The following ZNF644 variants were observed in gnomAD, a reference collection of about 807,000 sequenced individuals.
ZNF644 encodes zinc finger protein 644, also known as zinc finger motif enhancer binding protein 2.
Under a neutral mutation model 108.0 loss-of-function variants are expected in ZNF644, and 20 were observed. The observed-to-expected ratio is 0.19, with a 90% CI of 0.13 to 0.27. The LOEUF (loss-of-function observed/expected upper bound fraction) is 0.27, where lower values mean the gene tolerates loss of function less well. Ranked by LOEUF, ZNF644 falls within the 10% of genes least tolerant of loss-of-function variation. The pLI is 1.00. For synonymous variants in ZNF644, 542 were observed against 539.1 expected, an observed-to-expected ratio of 1.01 and a Z score of -0.08; for missense variants, 1,338 against 1,548.9, an observed-to-expected ratio of 0.86 and a Z score of 2.29.
At chr1:90,976,364 ATG>A (rs1270973363) in intron 2 of ZNF644, among the ~76,000 whole-genome samples, 1 of 152,172 alleles carries the variant, frequency 6.6e-6, no homozygotes, top group African/African-American at 2.4e-5. Flanking sequence ...CTAATGACTA[ATG>A]CATCCCTAAC....
At chr1:90,954,530 CTGAG>C (rs997387477) in intron 2 of ZNF644, among the ~76,000 whole-genome samples, 1 of 152,082 alleles carries the variant, frequency 6.6e-6, no homozygotes, top group African/African-American at 2.4e-5. Context: ...GCTCAGCCTC[CTGAG>C]TATCTGGGAT....
In ZNF644 at chr1:91,000,039, A is replaced by G. The variant is rs1032394803; in HGVS notation, c.-17-17669T>C. 2.0e-5 allele frequency among the ~76,000 whole-genome samples: 3 copies of G among 152,214 alleles called. No homozygotes were observed. The South Asian group carries it at 6.2e-4, about 32-fold the overall frequency. On this transcript the variant is annotated intron_variant, in intron 1 of 5. Coordinates refer to ENST00000337393, the MANE Select transcript of ZNF644 (RefSeq NM_201269.3). ...ACAGGAGCACCCAGATTCATAAAGC[A>G]AGTCCTTAGAGACCTACAAAGAGAC...
chr1:90,955,059 G>T (rs933050261), intron 2 of ZNF644, among the ~76,000 whole-genome samples: 5 of 152,190 alleles, frequency 3.3e-5, no homozygotes, highest in Non-Finnish European at 7.3e-5. Flanking sequence ...TGGCAGGTAT[G>T]AAAACAACAT....
At chr1:90,987,859 T>C (rs1056668328) in intron 1 of ZNF644, among the ~76,000 whole-genome samples, 1 of 152,088 alleles carries the variant, frequency 6.6e-6, no homozygotes, top group African/African-American at 2.4e-5. Flanking sequence ...ACTCCTGGAA[T>C]GCAAGGACAA....
At chr1:91,010,391 A>T (rs959045667) in intron 1 of ZNF644, among the ~76,000 whole-genome samples, 1 of 150,234 alleles carries the variant, frequency 6.7e-6, no homozygotes, top group Non-Finnish European at 1.5e-5. Flanking sequence ...GGCACCCACC[A>T]TCACGCTTGG....
chr1:91,015,048 G>A (rs1660313642), intron 1 of ZNF644, among the ~76,000 whole-genome samples: 1 of 152,056 alleles, frequency 6.6e-6, no homozygotes, highest in African/African-American at 2.4e-5. Context: ...TTATATAATG[G>A]TAATAAGATT....
intron 2 of ZNF644, among the ~76,000 whole-genome samples, chr1:90,971,736 G>A (rs138029532): frequency 1.3e-5 from 2 of 152,134 alleles, no homozygotes; most frequent in Non-Finnish European, 2.9e-5. Context: ...CCACTTCTAC[G>A]TAACATTGTA....
At chr1:90,926,725 T>C (rs1481118646) in intron 4 of ZNF644, among the ~76,000 whole-genome samples, 1 of 152,190 alleles carries the variant, frequency 6.6e-6, no homozygotes, top group African/African-American at 2.4e-5. Flanking sequence ...ATCTACCATA[T>C]CCTGCTTATT....
At chr1:91,004,370 C>T (rs939304456) in intron 1 of ZNF644, among the ~76,000 whole-genome samples, 5 of 152,150 alleles carry the variant, frequency 3.3e-5, no homozygotes, top group Non-Finnish European at 5.9e-5. Context: ...ACTAATTTTT[C>T]ATGAGAAACC....
intron 4 of ZNF644, among the ~76,000 whole-genome samples, chr1:90,920,532 T>C (rs1156724011): frequency 6.6e-6 from 1 of 152,076 alleles, no homozygotes; most frequent in Non-Finnish European, 1.5e-5. Flanking sequence ...ATTTTTGGCT[T>C]TTTCTTTAAT....
intron 1 of ZNF644, among the ~76,000 whole-genome samples, chr1:90,991,793 T>C (rs1657660497): frequency 6.6e-6 from 1 of 152,092 alleles, no homozygotes; most frequent in South Asian, 2.1e-4. Flanking sequence ...CCAGGTCCCT[T>C]CTCCAACATT....
chr1:90,945,645 G>T (rs1348997987), intron 2 of ZNF644, among the ~76,000 whole-genome samples: 1 of 152,086 alleles, frequency 6.6e-6, no homozygotes, highest in Non-Finnish European at 1.5e-5. Context: ...TAATTATTCT[G>T]TAATCCCTCT....
chr1:90,967,701 C>T (rs1411472096), intron 2 of ZNF644, among the ~76,000 whole-genome samples: 1 of 151,994 alleles, frequency 6.6e-6, no homozygotes, highest in Non-Finnish European at 1.5e-5. Context: ...TCATCAGACA[C>T]ATTGCATATT....
At chr1:90,959,935 A>G (rs180818716) in intron 2 of ZNF644, among the ~76,000 whole-genome samples, 1 of 152,166 alleles carries the variant, frequency 6.6e-6, no homozygotes, top group East Asian at 1.9e-4. Flanking sequence ...TTAAATTGCT[A>G]TTCTACGGAG....
At position 90,937,858 on chromosome 1, in the gene ZNF644, T is replaced by C; in HGVS notation, c.3315A>G (p.Pro1105=). 7 of 1,613,892 alleles carry C rather than the reference T, an allele frequency of 4.3e-6. No homozygotes were observed. Among genetic ancestry groups the C allele is most frequent in the Non-Finnish European group, 5.9e-6 (7 of 1,179,858 alleles). Residue 1105 remains proline (P), a synonymous_variant, in exon 4 of 6, where the codon CCA becomes CCG. Coordinates refer to ENST00000337393, the MANE Select transcript of ZNF644 (RefSeq NM_201269.3). ...ALNSRRIIPR[P]FVAQKLASSD... is the part of the protein sequence containing the mutation. ...TTGATGCAAGTTTTTGAGCTACAAATGGTCTGGGAATAATACGACGACTGT... is the reference window on the plus strand; with the variant it reads ...TTGATGCAAGTTTTTGAGCTACAAACGGTCTGGGAATAATACGACGACTGT...
chr1:90,983,811 C>T (rs943283326), intron 1 of ZNF644, among the ~76,000 whole-genome samples: 2 of 152,154 alleles, frequency 1.3e-5, no homozygotes, highest in African/African-American at 2.4e-5. Context: ...CCCGTAGTCC[C>T]AACTACTCAG....
At chr1:90,967,369 A>T (rs953830054) in intron 2 of ZNF644, among the ~76,000 whole-genome samples, 1 of 152,190 alleles carries the variant, frequency 6.6e-6, no homozygotes, top group Non-Finnish European at 1.5e-5. Flanking sequence ...TCCTTTGACA[A>T]ATGCTCTTAC....
At chr1:90,929,676 T>C (rs1457147380) in intron 4 of ZNF644, among the ~76,000 whole-genome samples, 7 of 152,196 alleles carry the variant, frequency 4.6e-5, no homozygotes, top group Non-Finnish European at 1.0e-4. Flanking sequence ...CATAGCACTT[T>C]CCACAACATA....
chr1:90,980,016 C>G (rs1434496592), intron 2 of ZNF644, among the ~76,000 whole-genome samples: 1 of 152,178 alleles, frequency 6.6e-6, no homozygotes, highest in Admixed American at 6.6e-5. Flanking sequence ...TATGGCCCAA[C>G]AGCAACTCAA....
Sources: gnomAD v4.1 joint callset for allele counts (sites outside exome capture counted in the v4.1 genomes callset) on GRCh38, gnomAD v4.1.1 for gene constraint, MANE v1.5 for transcripts, NCBI Gene and HGNC (gene_info 2026-07-23, HGNC 2026-07-21) for gene names.